Variants in COL13A1 observed in about 807,000 individuals in gnomAD.
COL13A1 encodes collagen alpha-1(XIII) chain.
In COL13A1, 89 loss-of-function variants were observed where a neutral mutation model predicts 130.9. That is an observed-to-expected ratio of 0.68 (90% CI 0.57 to 0.81). COL13A1 has a LOEUF of 0.81. Among genes scored for constraint, COL13A1 ranks in the 30% least tolerant of loss-of-function variants. COL13A1 has a pLI of 0.00. For synonymous variants in COL13A1, 402 were observed against 341.6 expected (o/e 1.18, Z -1.95); for missense variants, 879 against 934.6 (o/e 0.94, Z 0.78).
At chr10:69,919,748 G>T in intron 21 of COL13A1, 21 bp downstream of exon 21, 1 of 398,698 alleles carries the variant, frequency 2.5e-6, no homozygotes. Context: ...GTGTATTTGA[G>T]TGTGTGCCCC....
chr10:69,817,648 G>A (rs1343190986), intron 1 of COL13A1, among the ~76,000 whole-genome samples: 2 of 152,056 alleles, frequency 1.3e-5, no homozygotes, highest in Admixed American at 6.5e-5. Flanking sequence ...AGCCAGGCTC[G>A]TGGCTTAGTG....
chr10:69,926,494 A>G (rs562431200), intron 26 of COL13A1, among the ~76,000 whole-genome samples: 1 of 151,892 alleles, frequency 6.6e-6, no homozygotes, highest in Non-Finnish European at 1.5e-5. Flanking sequence ...GTCTCCAGAC[A>G]TGACCAGTTA....
intron 7 of COL13A1, among the ~76,000 whole-genome samples, chr10:69,884,765 G>A (rs2060458508): frequency 1.3e-5 from 2 of 152,064 alleles, no homozygotes; most frequent in African/African-American, 4.8e-5. Context: ...TGTCTTATGA[G>A]GTTGGAAATC....
chr10:69,957,066 C>T (rs765723419), intron 40 of COL13A1, 24 bp downstream of exon 40: 1 of 1,603,286 alleles, frequency 6.2e-7, no homozygotes, highest in Middle Eastern at 1.6e-4. Context: ...TTGGTGTGCA[C>T]TGGGGCTCCG....
intron 40 of COL13A1, among the ~76,000 whole-genome samples, chr10:69,958,095 C>T (rs956056759): frequency 6.6e-6 from 1 of 151,960 alleles, no homozygotes; most frequent in Non-Finnish European, 1.5e-5. Context: ...CTAAAGCACC[C>T]CCTAACCCAA....
Position 69,867,410 on chromosome 10 carries a change from C to T in COL13A1, c.365-388C>T, listed in dbSNP as rs537941096. 1.8e-4 allele frequency among the ~76,000 whole-genome samples: 27 copies of T among 152,346 alleles called. No homozygotes were observed. The East Asian group carries it at 2.9e-3, about 16-fold the overall frequency. On this transcript the variant is annotated intron_variant, in intron 2 of 40. Transcript: ENST00000645393. ...GGCATGCTAACGGTCCTCATCTCTA[C>T]GGGATCTGTTATTTCCGCCTTTCTC...
chr10:69,925,828 G>A lies in COL13A1; in HGVS notation c.1354G>A (p.Gly452Arg), dbSNP rs1418451477. The A allele has an allele frequency of 6.2e-7, 1 of 1,601,206 alleles. No individual in the cohort carries two copies. Among genetic ancestry groups the A allele is most frequent in the Non-Finnish European group, 8.5e-7 (1 of 1,173,962 alleles). Residue 452 changes from glycine to arginine, a missense_variant, in exon 26 of 41, where the codon GGA (glycine) becomes AGA (arginine). Gly to Arg is a moderately radical substitution (Grantham distance 125). This residue lies in a region of COL13A1 where 715 missense variants were observed against 721.0 expected (regional missense o/e 0.99). Coordinates refer to ENST00000645393, the MANE Select transcript of COL13A1 (RefSeq NM_001368882.1). ...GGGCTCCAAGGGAGAACCAGGGAAA[G>A]GAGAGATGGTGGATTACAATGGAAA... is the stretch of plus-strand genomic sequence containing the variant. ...PKGSKGEPGK[G>R]EMVDYNGNIN... is the part of the protein sequence containing the mutation.
At chr10:69,857,161 A>G (rs1444857533) in intron 2 of COL13A1, among the ~76,000 whole-genome samples, 1 of 152,186 alleles carries the variant, frequency 6.6e-6, no homozygotes, top group Non-Finnish European at 1.5e-5. Flanking sequence ...CCTACCCCCA[A>G]GGTTTCCTCA....
chr10:69,852,409 C>T (rs1213159506), intron 2 of COL13A1, among the ~76,000 whole-genome samples: 1 of 152,248 alleles, frequency 6.6e-6, no homozygotes, highest in African/African-American at 2.4e-5. Flanking sequence ...CTTCAACTCT[C>T]CTGTGAGAAA....
rs1404539072 is a variant in COL13A1 at position 69,802,446 on chromosome 10, A to G, written c.23A>G (p.Lys8Arg). The G allele has an allele frequency of 3.3e-6, 5 of 1,503,132 alleles. No homozygotes were observed. The Admixed American group carries it at 9.9e-5, about 30-fold the overall frequency. 93.1% of individuals were successfully genotyped at this position (1,503,132 alleles called of 1,614,324 possible). MVAERTH[K>R]AAATGARGPG... ...AGGATGGTAGCGGAGCGCACCCACA[A>G]AGCGGCAGCCACCGGTGCCCGCGGC... Residue 8 changes from lysine to arginine, a missense_variant, in exon 1 of 41, where the codon AAA (lysine) becomes AGA (arginine). Physicochemically the swap from Lys to Arg is conservative, Grantham distance 26. This residue lies in a region of COL13A1 where 715 missense variants were observed against 721.0 expected (regional missense o/e 0.99). Transcript: ENST00000645393.
intron 38 of COL13A1, among the ~76,000 whole-genome samples, chr10:69,952,499 T>C (rs922416730): frequency 6.6e-6 from 1 of 152,214 alleles, no homozygotes; most frequent in African/African-American, 2.4e-5. Flanking sequence ...AAAAAAAGTT[T>C]TCACCCCAAA....
At chr10:69,931,681 G>A (rs1052617644) in intron 30 of COL13A1, among the ~76,000 whole-genome samples, 3 of 152,228 alleles carry the variant, frequency 2.0e-5, no homozygotes, top group Admixed American at 1.3e-4. Flanking sequence ...GATGGAGGGA[G>A]CATTCCTGGA....
In COL13A1 at chr10:69,923,793, C is replaced by T. The variant is rs574771955; in HGVS notation, c.1231-9C>T. On this transcript the variant is annotated splice_polypyrimidine_tract_variant and intron_variant, in intron 23 of 40. Transcript: ENST00000645393. ...CATGCCCTCATCCCAACTCTCTCCT[C>T]TTCCCCAGGGAGAAGCAGGTGTCGA... 18 of 1,608,620 alleles carry T rather than the reference C, an allele frequency of 1.1e-5. No homozygotes were observed. The African/African-American group carries it at 1.2e-4, about 11-fold the overall frequency.
rs146514964 is a variant in COL13A1 at position 69,855,235 on chromosome 10, G to T, written c.365-12563G>T. 9.8e-5 allele frequency among the ~76,000 whole-genome samples: 15 copies of T among 152,322 alleles called. 1 individual carries two copies. Among genetic ancestry groups the T allele is most frequent in the African/African-American group, 3.6e-4 (15 of 41,572 alleles). On this transcript the variant is annotated intron_variant, in intron 2 of 40. Transcript: ENST00000645393. The stretch of plus-strand genomic sequence containing the variant: ...ACCTGTGACATTCAGAGGGGTTGGT[G>T]GTGCCGTTCAGCCAGATGGCATGGA...
chr10:69,936,717 G>A (rs2066967381), intron 32 of COL13A1, 39 bp from the exon 33 acceptor site: 1 of 1,613,130 alleles, frequency 6.2e-7, no homozygotes, highest in Non-Finnish European at 8.5e-7. Context: ...GTTAACTAGA[G>A]ATGCAGTTCT....
intron 15 of COL13A1, among the ~76,000 whole-genome samples, chr10:69,903,888 G>T (rs1311160180): frequency 6.6e-6 from 1 of 152,154 alleles, no homozygotes; most frequent in Non-Finnish European, 1.5e-5. Context: ...CTGTTTGCAT[G>T]TCTGGGCCCC....
intron 13 of COL13A1, chr10:69,897,670 C>T: frequency 2.0e-6 from 2 of 979,522 alleles, no homozygotes; most frequent in South Asian, 3.4e-5. Flanking sequence ...AAGAAGGCAG[C>T]AGCTGTGACC....
intron 10 of COL13A1, among the ~76,000 whole-genome samples, chr10:69,893,169 G>A (rs2061346273): frequency 6.6e-6 from 1 of 152,224 alleles, no homozygotes; most frequent in African/African-American, 2.4e-5. Flanking sequence ...TGGGCAACAT[G>A]GCAAAACCCT....
chr10:69,956,690 A>G, intron 39 of COL13A1: 1 of 306,698 alleles, frequency 3.3e-6, no homozygotes, highest in South Asian at 5.4e-5. Flanking sequence ...CCGGCACTCC[A>G]TAGGGCCACA....
Sources: allele counts gnomAD v4.1 joint callset (sites outside exome capture counted in the v4.1 genomes callset), GRCh38; gene constraint gnomAD v4.1.1; regional missense constraint gnomAD v4.1.1; transcripts MANE v1.5; gene names NCBI Gene and HGNC (gene_info 2026-07-23, HGNC 2026-07-21).